The following MAST3 variants were observed in gnomAD, a reference collection of about 807,000 sequenced individuals.
MAST3 encodes the protein microtubule associated serine/threonine kinase 3, also known as microtubule-associated serine/threonine-protein kinase 3.
MAST3 carries 43 observed loss-of-function variants against 127.0 expected under a neutral mutation model. The ratio of observed to expected loss-of-function variants is 0.34; its 90% CI spans 0.27 to 0.44. The LOEUF (loss-of-function observed/expected upper bound fraction) is 0.44. Among genes scored for constraint, MAST3 ranks in the 20% least tolerant of loss-of-function variants. The pLI is 1.00. For missense variants in MAST3, 1,390 were observed against 1,919.1 expected (o/e 0.72, Z 5.15); for synonymous variants, 785 against 809.2 (o/e 0.97, Z 0.51).
rs142032038 is a variant in MAST3, at chr19:18,110,497, G to A, written c.72-155G>A. 0.021 allele frequency: 19,183 copies of A among 907,092 alleles called. 272 individuals are homozygous for A. The highest frequency in any genetic ancestry group is 0.079 in the Admixed American group (1,287 of 16,206). 56.2% of individuals were successfully genotyped at this position (907,092 alleles called of 1,614,324 possible). On this transcript the variant is annotated intron_variant, in intron 2 of 27. Coordinates refer to ENST00000687212, the MANE Select transcript of MAST3 (RefSeq NM_001393504.1). This position sits in a 1 kb window ranked among gnomAD's most constrained non-coding sequence, Gnocchi z 4.3. The stretch of plus-strand genomic sequence containing the variant: ...TCCGGGGAGCCCTCCCGGGCCATCG[G>A]TCTGGCCCCGCCCTCACGTCCTGAG...
Position 18,144,634 on chromosome 19 carries a change from G to C in MAST3, c.2753G>C (p.Ser918Thr). 5 of 1,611,506 alleles carry C rather than the reference G, an allele frequency of 3.1e-6. No homozygotes were observed. Among genetic ancestry groups the C allele is most frequent in the Non-Finnish European group, 4.2e-6 (5 of 1,179,836 alleles). The change falls in exon 23 of 28, where the codon AGT becomes ACT. Residue 918 changes from serine (S) to threonine (T), a missense_variant. Ser to Thr is a moderately conservative substitution (Grantham distance 58). This residue lies in a region of MAST3 where 816 missense variants were observed against 934.1 expected (regional missense o/e 0.87). Transcript: ENST00000687212. This position sits in a 1 kb window ranked among gnomAD's most constrained non-coding sequence, Gnocchi z 4.0. ...TCCAGCGGTGGCAGTGGTGGCGGCA[G>C]TGGGGGCCGCGTGCCCAAGTCAGCC... ...ASSSGGSGGG[S>T]GGRVPKSASV... is the part of the protein sequence containing the mutation.
chr19:18,148,810 C>T (rs186796516), intron 27 of MAST3, among the ~76,000 whole-genome samples: 2 of 151,514 alleles, frequency 1.3e-5, no homozygotes, highest in Admixed American at 6.6e-5. Flanking sequence ...GGCCGAGGCA[C>T]GAGAATCATT....
intron 3 of MAST3, among the ~76,000 whole-genome samples, chr19:18,111,963 A>G (rs1232882159): frequency 6.6e-6 from 1 of 152,220 alleles, no homozygotes; most frequent in African/African-American, 2.4e-5. Flanking sequence ...TATAAAGAAA[A>G]CATAGTCCCT....
In MAST3 at chr19:18,121,836, C is replaced by T. The variant is rs199815815; in HGVS notation, c.251-17C>T. ...CTCTGCCCCGCTGACTCAGTTTCCCCGCCTCCTCCTCAGCAGGCAGCAGCC... is the reference window on the plus strand; with the variant it reads ...CTCTGCCCCGCTGACTCAGTTTCCCTGCCTCCTCCTCAGCAGGCAGCAGCC... On this transcript the variant is annotated splice_polypyrimidine_tract_variant and intron_variant, in intron 4 of 27. Coordinates refer to ENST00000687212, the MANE Select transcript of MAST3 (RefSeq NM_001393504.1). 139 of 1,613,968 alleles carry T rather than the reference C, an allele frequency of 8.6e-5. 1 individual carries two copies. The East Asian group carries it at 1.3e-3, about 15-fold the overall frequency.
chr19:18,107,437 C>T (rs1375254154), intron 1 of MAST3, 150 bp from the exon 2 acceptor site: 2 of 817,528 alleles, frequency 2.4e-6, no homozygotes, highest in African/African-American at 1.7e-5. Context: ...AGCGCAAAGG[C>T]CTTGAGGCAG....
intron 8 of MAST3, 85 bp from the exon 9 acceptor site, chr19:18,123,854 C>T (rs1343830879): frequency 3.7e-6 from 5 of 1,335,716 alleles, no homozygotes; most frequent in African/African-American, 1.4e-5. Context: ...CTCCTCTCTC[C>T]CCAACCATGC....
At chr19:18,118,073 C>T in intron 3 of MAST3, 2 of 984,944 alleles carry the variant, frequency 2.0e-6, no homozygotes, top group Non-Finnish European at 2.4e-6. Context: ...GCCCCCCTCC[C>T]TGTCCGGCTC....
At chr19:18,101,955 T>C (rs1466971176) in intron 1 of MAST3, among the ~76,000 whole-genome samples, 1 of 144,034 alleles carries the variant, frequency 6.9e-6, no homozygotes, top group African/African-American at 2.6e-5. Flanking sequence ...TGGCGTGATC[T>C]CCGCTCATTC....
intron 3 of MAST3, chr19:18,118,306 G>A: frequency 1.0e-6 from 1 of 952,588 alleles, no homozygotes; most frequent in Non-Finnish European, 1.3e-6. Context: ...GCAAACAGGA[G>A]TTGCCAGAAG....
In MAST3 at chr19:18,124,622, C is replaced by T; in HGVS notation, c.946-20C>T. 1 of 1,549,110 alleles carries T rather than the reference C, an allele frequency of 6.5e-7. No individual in the cohort carries two copies. Among genetic ancestry groups the T allele is most frequent in the Non-Finnish European group, 8.7e-7 (1 of 1,148,904 alleles). ...CAGGTGGAACCAAGCCCTGGGTGACCAGCCCTCCTGTGCCCCTAGGAGTTT... is the reference window on the plus strand; with the variant it reads ...CAGGTGGAACCAAGCCCTGGGTGACTAGCCCTCCTGTGCCCCTAGGAGTTT... On this transcript the variant is annotated intron_variant, in intron 10 of 27. Transcript: ENST00000687212.
At chr19:18,098,760 G>A (rs1209052902) in intron 1 of MAST3, 1 of 456,682 alleles carries the variant, frequency 2.2e-6, no homozygotes, top group Non-Finnish European at 4.4e-6. Flanking sequence ...CTTACCCAAC[G>A]AACATTTATG....
chr19:18,107,421 A>T (rs2038161679), intron 1 of MAST3, among the ~76,000 whole-genome samples, 166 bp from the exon 2 acceptor site: 1 of 152,160 alleles, frequency 6.6e-6, no homozygotes, highest in Non-Finnish European at 1.5e-5. Flanking sequence ...GAGAGAGCGC[A>T]CAGATAGCGC....
At chr19:18,116,371 C>CTCATTG (rs2039254558) in intron 3 of MAST3, among the ~76,000 whole-genome samples, 1 of 150,864 alleles carries the variant, frequency 6.6e-6, no homozygotes, top group African/African-American at 2.4e-5. Context: ...CAGCTCACTG[C>CTCATTG]AACCTCCGCC....
At chr19:18,141,237 T>C (rs1193557688) in intron 20 of MAST3, among the ~76,000 whole-genome samples, 1 of 152,166 alleles carries the variant, frequency 6.6e-6, no homozygotes, top group Non-Finnish European at 1.5e-5. Context: ...CTTGGTAGCC[T>C]GGCCCCTGAG....
chr19:18,142,984 C>T (rs557048975), intron 21 of MAST3, among the ~76,000 whole-genome samples: 6 of 151,732 alleles, frequency 4.0e-5, no homozygotes, highest in South Asian at 2.1e-4. Context: ...TAGTGGTGCA[C>T]GCCTGTAATC....
intron 5 of MAST3, chr19:18,122,160 A>T: frequency 1.0e-6 from 1 of 981,278 alleles, no homozygotes; most frequent in Non-Finnish European, 1.2e-6. Flanking sequence ...GTGGGGGGTC[A>T]TGGGGGGATA....
chr19:18,099,323 T>A (rs1325375880), intron 1 of MAST3, among the ~76,000 whole-genome samples: 1 of 12,458 alleles, frequency 8.0e-5, no homozygotes, highest in African/African-American at 3.6e-4. Flanking sequence ...GTGGGGGACT[T>A]GGGCGGAAAG....
At chr19:18,099,161 C>A (rs942485138) in intron 1 of MAST3, among the ~76,000 whole-genome samples, 1 of 151,662 alleles carries the variant, frequency 6.6e-6, no homozygotes, top group Non-Finnish European at 1.5e-5. Flanking sequence ...GGAGCCGCAC[C>A]GGTAGCTGCG....
chr19:18,128,794 T>G, intron 12 of MAST3, 72 bp from the exon 13 acceptor site: 1 of 1,243,300 alleles, frequency 8.0e-7, no homozygotes, highest in Admixed American at 1.7e-5. Context: ...ACCAGTGGTT[T>G]GGGCTTGGGG....
Sources: gnomAD v4.1 joint callset for allele counts (sites outside exome capture counted in the v4.1 genomes callset) on GRCh38, gnomAD v4.1.1 for gene constraint, gnomAD v4.1.1 regional missense constraint, Gnocchi (gnomAD v3.1) non-coding constraint, MANE v1.5 for transcripts, NCBI Gene and HGNC (gene_info 2026-07-23, HGNC 2026-07-21) for gene names.